Variants in DIPK1A observed in about 807,000 individuals in gnomAD.
The protein encoded by DIPK1A is divergent protein kinase domain 1A.
Under a neutral mutation model 40.8 loss-of-function variants are expected in DIPK1A, and 27 were observed. That is an observed-to-expected ratio of 0.66 (90% confidence interval 0.49 to 0.91). The LOEUF (loss-of-function observed/expected upper bound fraction) is 0.91, where lower values mean the gene tolerates loss of function less well. Ranked by LOEUF, DIPK1A falls within the 40% of genes least tolerant of loss-of-function variation. The pLI is 0.00. For missense variants in DIPK1A, 412 were observed against 505.7 expected, an observed-to-expected ratio of 0.81 and a Z score of 1.78; for synonymous variants, 166 against 171.3, an observed-to-expected ratio of 0.97 and a Z score of 0.24.
chr1:92,895,015 G>C (rs1204898176), intron 1 of DIPK1A, among the ~76,000 whole-genome samples: 1 of 152,044 alleles, frequency 6.6e-6, no homozygotes, highest in Non-Finnish European at 1.5e-5. Flanking sequence ...ATAATTAATA[G>C]CTTACTAACC....
rs987766181 is a variant in DIPK1A, at chr1:92,894,348, C to T, written c.55-17918G>A. ...CAAACTAGAACTCAGGATTAAGAAA[C>T]TCACTCAAAACCGCTCAACTACATG... On this transcript the variant is annotated intron_variant, in intron 1 of 4. Transcript: ENST00000370310. Among the ~76,000 whole-genome samples, 13 of 152,092 alleles carry T rather than the reference C, an allele frequency of 8.5e-5. 1 individual carries two copies. The highest frequency in any genetic ancestry group is 3.1e-4 in the African/African-American group (13 of 41,350).
At chr1:92,858,654 C>G (rs1162372022) in intron 2 of DIPK1A, among the ~76,000 whole-genome samples, 1 of 152,028 alleles carries the variant, frequency 6.6e-6, no homozygotes, top group Non-Finnish European at 1.5e-5. Context: ...TGGCATTCAG[C>G]TACAAGACAA....
At chr1:92,873,240 C>T (rs1005679264) in intron 2 of DIPK1A, among the ~76,000 whole-genome samples, 50 of 152,108 alleles carry the variant, frequency 3.3e-4, no homozygotes, top group Non-Finnish European at 7.2e-4. Flanking sequence ...TACCCTAGCC[C>T]CTTAAGACTG....
chr1:92,906,008 C>T (rs1051683026), intron 1 of DIPK1A, among the ~76,000 whole-genome samples: 37 of 152,234 alleles, frequency 2.4e-4, no homozygotes, highest in African/African-American at 8.9e-4. Context: ...CAGTGCCATG[C>T]TGTTTTGGTT....
chr1:92,959,902 A>ATTTTTTTTTTTTTT lies in DIPK1A; in HGVS notation c.54+1473_54+1474insAAAAAAAAAAAAAA, dbSNP rs1557502636. ...AGCTGGGACCACAGGCACCCAACCA[A>ATTTTTTTTTTTTTT]CTTTTTTTTTTTTTTTTTTTTTTTT... On this transcript the variant is annotated intron_variant, in intron 1 of 4. Transcript: ENST00000370310. Among the ~76,000 whole-genome samples the ATTTTTTTTTTTTTT allele has an allele frequency of 6.6e-3, 283 of 43,084 alleles. 23 individuals are homozygous for ATTTTTTTTTTTTTT. Among genetic ancestry groups the ATTTTTTTTTTTTTT allele is most frequent in the Middle Eastern group, 0.013 (1 of 78 alleles). The allele number at this position is 43,084 out of a possible 152,430, so 28.3% of individuals were successfully genotyped here.
At chr1:92,959,903 C>CTTT (rs1157142089) in intron 1 of DIPK1A, among the ~76,000 whole-genome samples, 629 of 47,796 alleles carry the variant, frequency 0.013, 47 homozygotes, top group African/African-American at 0.029. Context: ...ACCCAACCAA[C>CTTT]TTTTTTTTTT....
exon 5 of DIPK1A, chr1:92,832,891 A>G (rs1396758890): frequency 1.5e-6 from 1 of 649,358 alleles, no homozygotes; most frequent in African/African-American, 1.8e-5. Flanking sequence ...TAACATGGGA[A>G]GCGAGAGAGG....
intron 1 of DIPK1A, among the ~76,000 whole-genome samples, chr1:92,947,418 G>A (rs1651418741): frequency 6.6e-6 from 1 of 152,098 alleles, no homozygotes; most frequent in Non-Finnish European, 1.5e-5. Context: ...CAGTTAGAAT[G>A]GCTATTACCA....
chr1:92,956,392 T>C (rs1049419998), intron 1 of DIPK1A, among the ~76,000 whole-genome samples: 8 of 152,234 alleles, frequency 5.3e-5, no homozygotes, highest in African/African-American at 1.9e-4. Flanking sequence ...AGAAAGCTAA[T>C]CATAGTTCTG....
chr1:92,850,116 G>A (rs1687769303), intron 3 of DIPK1A, among the ~76,000 whole-genome samples: 2 of 151,584 alleles, frequency 1.3e-5, no homozygotes, highest in South Asian at 4.2e-4. Flanking sequence ...AACCACAGGT[G>A]TGTGCCACCA....
At chr1:92,850,433 C>T (rs531793984) in intron 3 of DIPK1A, among the ~76,000 whole-genome samples, 1 of 152,202 alleles carries the variant, frequency 6.6e-6, no homozygotes, top group Non-Finnish European at 1.5e-5. Flanking sequence ...ATAATCCCAG[C>T]ACTTTGGAAG....
intron 1 of DIPK1A, among the ~76,000 whole-genome samples, chr1:92,925,477 T>G (rs960522858): frequency 2.0e-5 from 3 of 152,016 alleles, no homozygotes; most frequent in Non-Finnish European, 4.4e-5. Flanking sequence ...GACTATTCAG[T>G]TTTTTGGGGT....
At chr1:92,927,805 C>T (rs1014833257) in intron 1 of DIPK1A, among the ~76,000 whole-genome samples, 1 of 152,154 alleles carries the variant, frequency 6.6e-6, no homozygotes, top group Non-Finnish European at 1.5e-5. Flanking sequence ...CTTTTTATTG[C>T]TGAACAATAT....
chr1:92,949,673 T>C (rs550191591), intron 1 of DIPK1A, among the ~76,000 whole-genome samples: 5 of 152,302 alleles, frequency 3.3e-5, no homozygotes, highest in African/African-American at 1.2e-4. Flanking sequence ...AGAGGCATAG[T>C]AACCAGGAAA....
At chr1:92,899,135 G>A (rs1219868978) in intron 1 of DIPK1A, among the ~76,000 whole-genome samples, 4 of 152,190 alleles carry the variant, frequency 2.6e-5, no homozygotes, top group Non-Finnish European at 5.9e-5. Flanking sequence ...AATGCTGAGT[G>A]TGGAGTGCTG....
intron 2 of DIPK1A, among the ~76,000 whole-genome samples, chr1:92,861,039 T>C (rs942403949): frequency 1.3e-5 from 2 of 152,110 alleles, no homozygotes; most frequent in Non-Finnish European, 2.9e-5. Context: ...CCAATCTCTA[T>C]GTCTTTTATT....
At chr1:92,879,218 G>A (rs1648267844) in intron 1 of DIPK1A, among the ~76,000 whole-genome samples, 1 of 151,990 alleles carries the variant, frequency 6.6e-6, no homozygotes, top group Non-Finnish European at 1.5e-5. Context: ...TACAACACAT[G>A]TATCTTTTTT....
Position 92,961,354 on chromosome 1 carries a change from G to A in DIPK1A, c.54+22C>T, listed in dbSNP as rs745354717. The A allele has an allele frequency of 8.0e-6, 12 of 1,495,390 alleles. No individual in the cohort carries two copies. In the South Asian group the frequency reaches 1.3e-4, roughly 17 times the overall value. The allele number at this position is 1,495,390 out of a possible 1,614,324, so 92.6% of individuals were successfully genotyped here. ...ACGGCCGGGTGCTCCCGCAGCTGGT[G>A]GCTGGGCGGCCGCCGGCCTACCTGG... On this transcript the variant is annotated intron_variant, in intron 1 of 4. Transcript: ENST00000370310.
intron 2 of DIPK1A, among the ~76,000 whole-genome samples, chr1:92,864,876 C>T (rs1435245690): frequency 1.3e-5 from 2 of 151,804 alleles, no homozygotes; most frequent in Non-Finnish European, 2.9e-5. Context: ...CCTGTCTCTA[C>T]TAAAAATACA....
Sources: gnomAD v4.1 joint callset for allele counts (sites outside exome capture counted in the v4.1 genomes callset) on GRCh38, gnomAD v4.1.1 for gene constraint, MANE v1.5 for transcripts, NCBI Gene and HGNC (gene_info 2026-07-23, HGNC 2026-07-21) for gene names.